The following CIB4 variants were observed in gnomAD, a reference collection of about 807,000 sequenced individuals.
CIB4 encodes the protein calcium and integrin-binding family member 4.
Under a neutral mutation model 25.8 loss-of-function variants are expected in CIB4, and 25 were observed. That is an observed-to-expected ratio of 0.97 (90% CI 0.71 to 1.35). CIB4 has a LOEUF of 1.35. Among genes scored for constraint, CIB4 ranks in the 40% most tolerant of loss-of-function variants. The probability of loss-of-function intolerance (pLI) is 0.00; values close to 1 mark genes in which losing one functional copy is unlikely to be tolerated. For synonymous variants in CIB4, 75 were observed against 81.4 expected, an observed-to-expected ratio of 0.92 and a Z score of 0.42; for missense variants, 235 against 228.2, an observed-to-expected ratio of 1.03 and a Z score of -0.19.
intron 3 of CIB4, among the ~76,000 whole-genome samples, chr2:26,625,975 T>C (rs1470635054): frequency 6.6e-6 from 1 of 152,212 alleles, no homozygotes; most frequent in Non-Finnish European, 1.5e-5. Flanking sequence ...TCTCCCAGCA[T>C]CATTTATTGA....
At chr2:26,590,199 G>A (rs1668558598) in intron 4 of CIB4, among the ~76,000 whole-genome samples, 1 of 138,192 alleles carries the variant, frequency 7.2e-6, no homozygotes, top group Admixed American at 8.4e-5. Context: ...AAAGCCCAGG[G>A]ACCAGGACAT....
chr2:26,607,551 C>T (rs558649688), intron 3 of CIB4, among the ~76,000 whole-genome samples: 3 of 152,194 alleles, frequency 2.0e-5, no homozygotes, highest in Non-Finnish European at 4.4e-5. Flanking sequence ...AGCTGTGTGA[C>T]CTCCATTTCC....
rs1182817306 is a variant in CIB4 at position 26,595,298 on chromosome 2, C to T, written c.206G>A (p.Arg69His). Residue 69 changes from arginine (R) to histidine (H), a missense_variant, in exon 4 of 7, where the codon CGT becomes CAT. Physicochemically the swap from Arg to His is conservative, Grantham distance 29. Transcript: ENST00000288861. ...TTTGTGGGAGAACACTCTGCAGATA[C>T]GGTCTCTGAAAGGGTTGACCTGTGG... Reference protein sequence around the residue: ...PALRVNPFRDRICRVFSHKGM... With the variant: ...PALRVNPFRDHICRVFSHKGM... 4 of 1,613,744 alleles carry T rather than the reference C, an allele frequency of 2.5e-6. No individual in the cohort carries two copies. The highest frequency in any genetic ancestry group is 3.3e-5 in the Admixed American group (2 of 60,000).
chr2:26,607,529 C>A (rs1668914556), intron 3 of CIB4, among the ~76,000 whole-genome samples: 1 of 152,188 alleles, frequency 6.6e-6, no homozygotes, highest in African/African-American at 2.4e-5. Flanking sequence ...TAGATAACAA[C>A]ACAACAAAAC....
chr2:26,601,231 A>AAAAAAAAAAATATATAT (rs1395827334), intron 3 of CIB4, among the ~76,000 whole-genome samples: 1 of 17,228 alleles, frequency 5.8e-5, no homozygotes, highest in Non-Finnish European at 1.4e-4. Context: ...AAAAAAAAAA[A>AAAAAAAAAAATATATAT]ATATATATAT....
At chr2:26,606,933 A>C (rs1453586806) in intron 3 of CIB4, among the ~76,000 whole-genome samples, 1 of 152,206 alleles carries the variant, frequency 6.6e-6, no homozygotes, top group Non-Finnish European at 1.5e-5. Context: ...ATAGGGAAGA[A>C]AGGCAGTAAA....
chr2:26,587,827 A>G (rs1668485987), intron 4 of CIB4, among the ~76,000 whole-genome samples: 1 of 152,336 alleles, frequency 6.6e-6, no homozygotes, highest in Non-Finnish European at 1.5e-5. Flanking sequence ...CTTGAAGGAA[A>G]GGAACTAGAG....
At chr2:26,583,266 C>T (rs748671927) in intron 5 of CIB4, among the ~76,000 whole-genome samples, 62 of 152,330 alleles carry the variant, frequency 4.1e-4, no homozygotes, top group Non-Finnish European at 6.3e-4. Flanking sequence ...ATGGTTTTAT[C>T]TTCTAGTCCC....
chr2:26,641,341 CAGT>C lies in CIB4; in HGVS notation c.-30_-28del. ...CCAACCACACCTTTCTGTCTGCCAG[CAGT>C]AGAACCTCAGCCTCAAGGACTCGCC... is the stretch of plus-strand genomic sequence containing the variant. On this transcript the variant is annotated 5_prime_UTR_variant, in exon 1 of 7. Transcript: ENST00000288861. 1 of 1,606,608 alleles carries C rather than the reference CAGT, an allele frequency of 6.2e-7. No homozygotes were observed. The highest frequency in any genetic ancestry group is 8.5e-7 in the Non-Finnish European group (1 of 1,173,252).
intron 3 of CIB4, among the ~76,000 whole-genome samples, chr2:26,610,335 G>A (rs894008539): frequency 1.3e-5 from 2 of 152,118 alleles, no homozygotes; most frequent in African/African-American, 4.8e-5. Flanking sequence ...AAATGGACTC[G>A]CACTGCAGCC....
At chr2:26,625,407 C>T (rs1383712573) in intron 3 of CIB4, among the ~76,000 whole-genome samples, 1 of 142,500 alleles carries the variant, frequency 7.0e-6, no homozygotes, top group African/African-American at 2.6e-5. Flanking sequence ...GGCTGGAGTG[C>T]AATGGCGCAA....
chr2:26,623,616 A>C (rs1442378558), intron 3 of CIB4: 3 of 469,266 alleles, frequency 6.4e-6, no homozygotes, highest in Non-Finnish European at 1.3e-5. Flanking sequence ...ACCTCCCTAC[A>C]CCTTGGGCAG....
chr2:26,581,763 A>T (rs1668349425), intron 6 of CIB4, among the ~76,000 whole-genome samples: 1 of 152,142 alleles, frequency 6.6e-6, no homozygotes, highest in South Asian at 2.1e-4. Context: ...ATCCTTAGAG[A>T]GGGGCCACCC....
chr2:26,601,349 C>T (rs2148202744), intron 3 of CIB4, among the ~76,000 whole-genome samples: 1 of 149,840 alleles, frequency 6.7e-6, no homozygotes, highest in Non-Finnish European at 1.5e-5. Flanking sequence ...ATAATGGAGA[C>T]TCCAGAAACA....
intron 3 of CIB4, among the ~76,000 whole-genome samples, chr2:26,595,981 G>A (rs1021618426): frequency 6.6e-6 from 1 of 152,184 alleles, no homozygotes. Context: ...GTAGCTGCTG[G>A]TAGCACGAAT....
chr2:26,610,821 G>A (rs989523642), intron 3 of CIB4, among the ~76,000 whole-genome samples: 4 of 103,696 alleles, frequency 3.9e-5, no homozygotes, highest in Non-Finnish European at 6.5e-5. Context: ...AGAAAACTGA[G>A]GGGTGAGGAG....
chr2:26,601,222 AAAAAAAAAAATAT>A (rs1268041386), intron 3 of CIB4, among the ~76,000 whole-genome samples: 4 of 45,454 alleles, frequency 8.8e-5, no homozygotes, highest in African/African-American at 3.2e-4. Context: ...CATGTCAAAA[AAAAAAAAAAATAT>A]ATATATATAT....
chr2:26,632,278 CG>C (rs1669435104), intron 2 of CIB4, among the ~76,000 whole-genome samples: 1 of 152,122 alleles, frequency 6.6e-6, no homozygotes, highest in African/African-American at 2.4e-5. Flanking sequence ...GCCTTGGCCA[CG>C]GAAGGGGCCT....
chr2:26,598,797 G>A (rs1668730180), intron 3 of CIB4, among the ~76,000 whole-genome samples: 1 of 152,162 alleles, frequency 6.6e-6, no homozygotes, highest in Non-Finnish European at 1.5e-5. Context: ...CCAGTCAAAG[G>A]GGCACCGATA....
Sources: allele counts gnomAD v4.1 joint callset (sites outside exome capture counted in the v4.1 genomes callset), GRCh38; gene constraint gnomAD v4.1.1; transcripts MANE v1.5; gene names NCBI Gene and HGNC (gene_info 2026-07-23, HGNC 2026-07-21).